HOXA3: variants seen among roughly 807,000 people sequenced by gnomAD.
HOXA3 encodes homeobox protein Hox-A3.
HOXA3 carries 8 observed loss-of-function variants against 30.3 expected under a neutral mutation model. That is an observed-to-expected ratio of 0.26 (90% CI 0.15 to 0.48). HOXA3 has a LOEUF of 0.48. Ranked by LOEUF, HOXA3 falls within the 20% of genes least tolerant of loss-of-function variation. HOXA3 has a pLI of 0.99. For synonymous variants in HOXA3, 323 were observed against 273.1 expected (o/e 1.18, Z -1.80); for missense variants, 653 against 614.4 (o/e 1.06, Z -0.66).
chr7:27,141,914 T>A, intron 1 of HOXA3: 1 of 1,614,196 alleles, frequency 6.2e-7, no homozygotes, highest in Non-Finnish European at 8.5e-7. Flanking sequence ...CATTCTCCGG[T>A]TTTGGAACCA....
At chr7:27,143,586 A>G (rs776135428) in intron 1 of HOXA3, 18 of 1,597,022 alleles carry the variant, frequency 1.1e-5, no homozygotes, top group South Asian at 2.3e-5. Flanking sequence ...CCGCAAAATG[A>G]GTTTACAAAA....
intron 1 of HOXA3, chr7:27,142,056 C>G: frequency 6.2e-7 from 1 of 1,614,042 alleles, no homozygotes; most frequent in African/African-American, 1.3e-5. Context: ...GCCGTCCGGG[C>G]CCTTTTGCCT....
chr7:27,132,271 A>C (rs1467230941), intron 2 of HOXA3, among the ~76,000 whole-genome samples: 1 of 152,258 alleles, frequency 6.6e-6, no homozygotes, highest in Non-Finnish European at 1.5e-5. Flanking sequence ...CAGCCTTCTC[A>C]CAACTGAGTC....
rs902742812 is a variant in HOXA3, at chr7:27,107,353, A to C, written c.*562T>G. On this transcript the variant is annotated 3_prime_UTR_variant, in exon 6 of 6. Coordinates refer to ENST00000612286, the MANE Select transcript of HOXA3 (RefSeq NM_153631.3). ...TGGGGATAAATAATATTTAAAACTT[A>C]GATTATTCAATGCTTGCAAAAAAAT... 6.6e-6 allele frequency: 1 copy of C among 152,180 alleles called. No homozygotes were observed. Among genetic ancestry groups the C allele is most frequent in the African/African-American group, 2.4e-5 (1 of 41,426 alleles). The allele number at this position is 152,180 out of a possible 1,614,324, so 9.4% of individuals were successfully genotyped here.
chr7:27,142,942 A>G, intron 1 of HOXA3: 1 of 1,095,860 alleles, frequency 9.1e-7, no homozygotes, highest in Non-Finnish European at 1.3e-6. Flanking sequence ...CAGGGCTGGG[A>G]GAAATGAGAC....
intron 2 of HOXA3, chr7:27,129,241 A>C: frequency 6.6e-7 from 1 of 1,509,288 alleles, no homozygotes. Context: ...GGAGGAGGGA[A>C]CGGGTGTGGA....
chr7:27,144,607 T>TC (rs1782687760), intron 1 of HOXA3, among the ~76,000 whole-genome samples: 1 of 152,144 alleles, frequency 6.6e-6, no homozygotes, highest in Non-Finnish European at 1.5e-5. Context: ...GGGCCCAGGC[T>TC]CCCTGCAGCC....
rs1265680123 is a variant in HOXA3 at position 27,145,526 on chromosome 7, AG to A, written c.-493-5341del. On this transcript the variant is annotated intron_variant, in intron 1 of 5. Coordinates refer to ENST00000612286, the MANE Select transcript of HOXA3 (RefSeq NM_153631.3). ...GAAATAAATGCACAGACGCTTGCAA[AG>A]CTCCGGGCTCCCCTGAAGCTGCGGA... is the stretch of plus-strand genomic sequence containing the variant. 5 of 1,073,120 alleles carry A rather than the reference AG, an allele frequency of 4.7e-6. No individual in the cohort carries two copies. The African/African-American group carries it at 7.9e-5, about 17-fold the overall frequency. The allele number at this position is 1,073,120 out of a possible 1,614,324, so 66.5% of individuals were successfully genotyped here.
chr7:27,143,284 G>A (rs756462084), intron 1 of HOXA3: 1 of 1,604,072 alleles, frequency 6.2e-7, no homozygotes, highest in Non-Finnish European at 8.5e-7. Context: ...TGCCGGGCGA[G>A]GGGGCCACGG....
At chr7:27,136,209 C>T (rs1785708115) in intron 2 of HOXA3, among the ~76,000 whole-genome samples, 1 of 152,238 alleles carries the variant, frequency 6.6e-6, no homozygotes, top group Non-Finnish European at 1.5e-5. Context: ...CCTCTTCTTT[C>T]AGGGGGAAGG....
chr7:27,118,657 C>T (rs1784856155), intron 4 of HOXA3, among the ~76,000 whole-genome samples: 1 of 152,190 alleles, frequency 6.6e-6, no homozygotes, highest in Non-Finnish European at 1.5e-5. Context: ...TACAGCAATG[C>T]TATTCACATT....
chr7:27,130,157 C>G (rs772559605), intron 2 of HOXA3: 3 of 1,602,456 alleles, frequency 1.9e-6, no homozygotes, highest in Non-Finnish European at 2.5e-6. Context: ...GGGTACACCA[C>G]GGGCTCCTTG....
intron 2 of HOXA3, among the ~76,000 whole-genome samples, chr7:27,132,036 C>G (rs898443046): frequency 5.9e-5 from 9 of 152,150 alleles, no homozygotes; most frequent in African/African-American, 2.2e-4. Flanking sequence ...TTAATTCCAC[C>G]TAATGTTGAT....
chr7:27,121,223 G>A (rs1345340015), intron 4 of HOXA3: 1 of 99,450 alleles, frequency 1.0e-5, no homozygotes, highest in Admixed American at 8.7e-5. Context: ...CTGTGTGCGT[G>A]TGTGTGTGTG....
chr7:27,131,326 GAC>G (rs991050941), intron 2 of HOXA3, among the ~76,000 whole-genome samples: 27 of 152,240 alleles, frequency 1.8e-4, no homozygotes, highest in African/African-American at 6.0e-4. Flanking sequence ...GAGGCCACCA[GAC>G]ACATTTTCTC....
intron 1 of HOXA3, among the ~76,000 whole-genome samples, chr7:27,146,517 G>T (rs1025983281): frequency 6.6e-6 from 1 of 152,172 alleles, no homozygotes; most frequent in Non-Finnish European, 1.5e-5. Context: ...TTAACAATCC[G>T]CATTAGGCTC....
intron 1 of HOXA3, among the ~76,000 whole-genome samples, chr7:27,145,199 C>T (rs1782706657): frequency 6.6e-6 from 1 of 152,206 alleles, no homozygotes; most frequent in African/African-American, 2.4e-5. Context: ...TGATGATGCC[C>T]TTCGGGACTT....
chr7:27,148,859 G>A (rs750715695), intron 1 of HOXA3, among the ~76,000 whole-genome samples: 15 of 152,258 alleles, frequency 9.9e-5, no homozygotes, highest in Non-Finnish European at 1.9e-4. Context: ...AGAGGCCCTG[G>A]CCAAGCTGGG....
intron 4 of HOXA3, among the ~76,000 whole-genome samples, chr7:27,114,848 A>G (rs907765094): frequency 1.9e-5 from 2 of 106,750 alleles, no homozygotes; most frequent in East Asian, 5.7e-4. Context: ...TATATATAAT[A>G]TATATTATAT....
Sources: allele counts gnomAD v4.1 joint callset (sites outside exome capture counted in the v4.1 genomes callset), GRCh38; gene constraint gnomAD v4.1.1; transcripts MANE v1.5; gene names NCBI Gene and HGNC (gene_info 2026-07-23, HGNC 2026-07-21).